The following RPSA2 variants were observed in gnomAD, a reference collection of about 807,000 sequenced individuals.
RPSA2 encodes ribosomal protein SA 2.
the RPSA2 span, among the ~76,000 whole-genome samples, chr19:23,868,185 C>T: frequency 3.3e-5 from 5 of 152,172 alleles, no homozygotes; most frequent in Admixed American, 1.3e-4. Flanking sequence ...AAAAACTGGC[C>T]TCTTGTAGTA....
chr19:23,834,943 A>T, the RPSA2 span, among the ~76,000 whole-genome samples: 2 of 152,016 alleles, frequency 1.3e-5, no homozygotes, highest in African/African-American at 2.4e-5. Context: ...TTCTGTGGAT[A>T]TATGTTTATA....
At chr19:23,866,730 T>G in the RPSA2 span, among the ~76,000 whole-genome samples, 1 of 152,076 alleles carries the variant, frequency 6.6e-6, no homozygotes, top group African/African-American at 2.4e-5. Flanking sequence ...GAATATTGAT[T>G]GATTCCCTCT....
chr19:23,832,956 T>C, the RPSA2 span: 2 of 1,490,302 alleles, frequency 1.3e-6, no homozygotes, highest in Non-Finnish European at 1.8e-6. Flanking sequence ...TAATTCACAG[T>C]GGAGTAAAAC....
the RPSA2 span, chr19:23,762,979 G>T: frequency 6.6e-6 from 1 of 152,302 alleles, no homozygotes; most frequent in African/African-American, 2.4e-5. Flanking sequence ...GACATTCCGC[G>T]GGGTCTTTAC....
chr19:23,870,250 G>A, the RPSA2 span, among the ~76,000 whole-genome samples: 3 of 152,160 alleles, frequency 2.0e-5, no homozygotes, highest in African/African-American at 7.2e-5. Context: ...GGCTCAGTAT[G>A]TAGAGGACTG....
chr19:23,826,747 G>A, the RPSA2 span, among the ~76,000 whole-genome samples: 2 of 151,958 alleles, frequency 1.3e-5, no homozygotes, highest in African/African-American at 4.8e-5. Flanking sequence ...GTGCAGTGGG[G>A]CGATCTTGGC....
the RPSA2 span, among the ~76,000 whole-genome samples, chr19:23,775,031 T>A: frequency 6.6e-6 from 1 of 152,184 alleles, no homozygotes; most frequent in South Asian, 2.1e-4. Context: ...AAACTATCTT[T>A]CATATGTGGG....
At chr19:23,789,681 A>G in the RPSA2 span, among the ~76,000 whole-genome samples, 24 of 152,074 alleles carry the variant, frequency 1.6e-4, no homozygotes, top group Non-Finnish European at 3.2e-4. Flanking sequence ...CAGTGTCATC[A>G]AGGAACAAAA....
the RPSA2 span, among the ~76,000 whole-genome samples, chr19:23,838,136 A>G: frequency 6.6e-6 from 1 of 152,188 alleles, no homozygotes; most frequent in East Asian, 1.9e-4. Context: ...AACTTTGCTG[A>G]GAGTTTTAAT....
At chr19:23,852,205 G>C in the RPSA2 span, among the ~76,000 whole-genome samples, 7 of 152,200 alleles carry the variant, frequency 4.6e-5, no homozygotes, top group Admixed American at 6.5e-5. Context: ...GGACTGTGGA[G>C]ATGGGAATCT....
the RPSA2 span, among the ~76,000 whole-genome samples, chr19:23,870,099 C>T: frequency 6.6e-6 from 1 of 152,190 alleles, no homozygotes; most frequent in Admixed American, 6.5e-5. Flanking sequence ...CTGTTTGGCA[C>T]TTTGTGAAAC....
the RPSA2 span, among the ~76,000 whole-genome samples, chr19:23,800,853 TC>T: frequency 1.3e-5 from 2 of 152,154 alleles, no homozygotes; most frequent in African/African-American, 4.8e-5. Flanking sequence ...CCTCAGGTGA[TC>T]CACCCACCTT....
At chr19:23,793,842 G>T in the RPSA2 span, among the ~76,000 whole-genome samples, 2 of 152,146 alleles carry the variant, frequency 1.3e-5, no homozygotes, top group Non-Finnish European at 2.9e-5. Context: ...GGGGTTACAG[G>T]TGTGAGCCAT....
the RPSA2 span, among the ~76,000 whole-genome samples, chr19:23,761,497 C>T: frequency 6.6e-6 from 1 of 152,168 alleles, no homozygotes; most frequent in African/African-American, 2.4e-5. Flanking sequence ...AACAGAAACA[C>T]TTATGACCAA....
At chr19:23,788,153 C>CTCTGG in the RPSA2 span, among the ~76,000 whole-genome samples, 1 of 152,184 alleles carries the variant, frequency 6.6e-6, no homozygotes, top group Non-Finnish European at 1.5e-5. Flanking sequence ...TGTGACATAT[C>CTCTGG]TCTGGGCCCA....
At chr19:23,813,730 C>CTTTTTTTTTTTT in the RPSA2 span, among the ~76,000 whole-genome samples, 1 of 136,786 alleles carries the variant, frequency 7.3e-6, no homozygotes, top group Non-Finnish European at 1.5e-5. Flanking sequence ...ACACGGGTTT[C>CTTTTTTTTTTTT]TTTTTTTTTT....
the RPSA2 span, among the ~76,000 whole-genome samples, chr19:23,860,241 T>A: frequency 6.6e-6 from 1 of 152,284 alleles, no homozygotes; most frequent in African/African-American, 2.4e-5. Context: ...CATCTCTTAT[T>A]GTCTCATCTC....
At chr19:23,826,619 T>C in the RPSA2 span, among the ~76,000 whole-genome samples, 2 of 152,188 alleles carry the variant, frequency 1.3e-5, no homozygotes, top group African/African-American at 4.8e-5. Context: ...TTTTGCATAA[T>C]GCCATCAAGA....
the RPSA2 span, among the ~76,000 whole-genome samples, chr19:23,856,516 C>T: frequency 9.2e-5 from 14 of 152,166 alleles, no homozygotes; most frequent in South Asian, 1.0e-3. Flanking sequence ...ATCAGGGAGC[C>T]GAACAAGTGT....
Sources: allele counts gnomAD v4.1 joint callset (sites outside exome capture counted in the v4.1 genomes callset), GRCh38; gene constraint gnomAD v4.1.1; transcripts MANE v1.5; gene names NCBI Gene and HGNC (gene_info 2026-07-23, HGNC 2026-07-21).